Variants in CDH23 observed in about 807,000 individuals in gnomAD.
The protein encoded by CDH23 is cadherin related 23.
In CDH23, 189 loss-of-function variants were observed where a neutral mutation model predicts 317.1. That is an observed-to-expected ratio of 0.60 (90% CI 0.53 to 0.67). CDH23 has a LOEUF of 0.67. Ranked by LOEUF, CDH23 falls within the 30% of genes least tolerant of loss-of-function variation. The pLI is 0.00. For synonymous variants in CDH23, 1,839 were observed against 1,876.8 expected (o/e 0.98, Z 0.52); for missense variants, 4,401 against 4,592.4 (o/e 0.96, Z 1.20).
At chr10:71,776,847 C>T (rs1458942977) in intron 38 of CDH23, among the ~76,000 whole-genome samples, 1 of 152,246 alleles carries the variant, frequency 6.6e-6, no homozygotes, top group Non-Finnish European at 1.5e-5. Context: ...ATTGGCCACA[C>T]CCAGCAGGAA....
chr10:71,665,252 C>G (rs1863836140), intron 14 of CDH23, among the ~76,000 whole-genome samples: 1 of 152,160 alleles, frequency 6.6e-6, no homozygotes, highest in African/African-American at 2.4e-5. Flanking sequence ...CAAGAACCGT[C>G]AGCTCCAGAT....
chr10:71,640,921 T>C (rs1306947747), intron 11 of CDH23, among the ~76,000 whole-genome samples: 3 of 152,214 alleles, frequency 2.0e-5, no homozygotes, highest in Non-Finnish European at 4.4e-5. Flanking sequence ...GTTTTACCCT[T>C]GTAGTTCTCA....
At chr10:71,465,188 TGGTTACTGTATTAGG>T (rs1851184826) in intron 3 of CDH23, among the ~76,000 whole-genome samples, 1 of 152,308 alleles carries the variant, frequency 6.6e-6, no homozygotes, top group African/African-American at 2.4e-5. Context: ...ATGTGTTGAG[TGGTTACTGTATTAGG>T]CATTGTGATA....
rs541166243 is a variant in CDH23 at position 71,728,675 on chromosome 10, C to T, written c.3580-1794C>T. Among the ~76,000 whole-genome samples the T allele has an allele frequency of 7.2e-5, 11 of 152,364 alleles. No homozygotes were observed. In the South Asian group the frequency reaches 2.1e-3, roughly 29 times the overall value. Reference sequence around the variant, plus strand: ...CAGCCCCTTCCCCATTTGCTTCCCTCTCTACTTTGCTGGCAAGTTCCTACC... The same window carrying T: ...CAGCCCCTTCCCCATTTGCTTCCCTTTCTACTTTGCTGGCAAGTTCCTACC... On this transcript the variant is annotated intron_variant, in intron 30 of 69. Transcript: ENST00000224721.
chr10:71,448,689 G>A (rs567858418), intron 3 of CDH23, among the ~76,000 whole-genome samples: 35 of 152,314 alleles, frequency 2.3e-4, no homozygotes, highest in African/African-American at 7.2e-4. Flanking sequence ...ACAATGAGTG[G>A]GCATTGGAAA....
At chr10:71,800,577 G>A in intron 52 of CDH23, 59 bp from the exon 53 acceptor site, 1 of 1,563,480 alleles carries the variant, frequency 6.4e-7, no homozygotes, top group Non-Finnish European at 8.7e-7. Context: ...GCCATAGTAG[G>A]TGCTCAATAA....
intron 6 of CDH23, among the ~76,000 whole-genome samples, chr10:71,537,030 C>T (rs772708099): frequency 2.6e-5 from 4 of 152,084 alleles, no homozygotes; most frequent in Non-Finnish European, 2.9e-5. Context: ...CCTTCGCCAC[C>T]GTGCACTGGA....
At chr10:71,519,518 C>T (rs890960082) in intron 6 of CDH23, among the ~76,000 whole-genome samples, 3 of 152,220 alleles carry the variant, frequency 2.0e-5, no homozygotes, top group African/African-American at 7.2e-5. Context: ...CCAAGGGCAG[C>T]TTTGTATCGT....
intron 18 of CDH23, among the ~76,000 whole-genome samples, chr10:71,683,509 C>A (rs1252593646): frequency 2.0e-5 from 3 of 152,198 alleles, no homozygotes; most frequent in Non-Finnish European, 4.4e-5. Flanking sequence ...CCAGGGCCAG[C>A]TTCCAAGCGG....
chr10:71,692,123 G>A (rs1564736142), intron 20 of CDH23, among the ~76,000 whole-genome samples: 1 of 152,174 alleles, frequency 6.6e-6, no homozygotes, highest in African/African-American at 2.4e-5. Flanking sequence ...CACCTGTGAG[G>A]CAGGTACTAG....
chr10:71,738,396 C>T, intron 34 of CDH23, 102 bp from the exon 35 acceptor site: 1 of 1,383,732 alleles, frequency 7.2e-7, no homozygotes, highest in Non-Finnish European at 1.0e-6. Flanking sequence ...TGTTCCAGAA[C>T]CCACTGGGGA....
Position 71,687,725 on chromosome 10 carries a change from G to A in CDH23, c.2059+6G>A, listed in dbSNP as rs727502923. ...GGTGGAGAACATCATGGCAGGTACA[G>A]GCTCAGGTCGGGGGGTGGGGGGCAC... On this transcript the variant is annotated splice_donor_region_variant and intron_variant, in intron 19 of 69. Coordinates refer to ENST00000224721, the MANE Select transcript of CDH23 (RefSeq NM_022124.6). 28 of 1,613,234 alleles carry A rather than the reference G, an allele frequency of 1.7e-5. No homozygotes were observed. In the Admixed American group the frequency reaches 1.8e-4, roughly 11 times the overall value.
intron 20 of CDH23, among the ~76,000 whole-genome samples, chr10:71,693,913 A>G (rs759750161): frequency 2.6e-4 from 39 of 151,814 alleles, no homozygotes; most frequent in Non-Finnish European, 4.4e-4. Context: ...TTTCCTCCTC[A>G]TGGGGTTATG....
rs2166631 is a variant in CDH23 at position 71,713,125 on chromosome 10, C to T, written c.3369+312C>T. On this transcript the variant is annotated intron_variant, in intron 28 of 69. Transcript: ENST00000224721. ...TTTCAGAGTAGCGGGGAGAAAGAGA[C>T]GTCACAATTTCCCGGAAAGGAGTTG... The T allele has an allele frequency of 0.3, 233,246 of 775,898 alleles. 40,966 individuals carry two copies. Among genetic ancestry groups the T allele is most frequent in the African/African-American group, 0.58 (34,161 of 59,088 alleles). 48.1% of individuals were successfully genotyped at this position (775,898 alleles called of 1,614,324 possible).
chr10:71,776,147 C>T (rs1467092194), intron 38 of CDH23, among the ~76,000 whole-genome samples: 1 of 152,214 alleles, frequency 6.6e-6, no homozygotes. Context: ...CAAGGCCACG[C>T]AGCTCCTTTT....
chr10:71,530,899 A>G (rs1855338083), intron 6 of CDH23, among the ~76,000 whole-genome samples: 1 of 152,250 alleles, frequency 6.6e-6, no homozygotes, highest in Admixed American at 6.5e-5. Flanking sequence ...GCAGAGACCC[A>G]GAATGTGACT....
At position 71,462,766 on chromosome 10, in the gene CDH23, T is replaced by G. The variant is rs369999092; in HGVS notation, c.145+16371T>G. 5.8e-4 allele frequency among the ~76,000 whole-genome samples: 88 copies of G among 152,258 alleles called. No homozygotes were observed. In the East Asian group the frequency reaches 9.1e-3, roughly 16 times the overall value. ...TCAGGATGGCAACTCCTGTTGTACC[T>G]GGGAAGCCGCACCTGCCCCTGCCTG... On this transcript the variant is annotated intron_variant, in intron 3 of 69. Transcript: ENST00000224721.
In CDH23 at chr10:71,793,229, A is replaced by G. The variant is rs750278941; in HGVS notation, c.6301A>G (p.Asn2101Asp). ...VTATDEDSGL[N>D]GELVYRIEAG... ...AGCCACAGATGAGGACAGTGGCCTC[A>G]ATGGGGAGCTGGTCTACCGAATAGA... The change falls in exon 48 of 70, where the codon AAT becomes GAT. Residue 2101 changes from asparagine (N) to aspartate (D), a missense_variant. Physicochemically the swap from Asn to Asp is conservative, Grantham distance 23 (BLOSUM62 1). This residue lies in a region of CDH23 where 3,068 missense variants were observed against 3,203.3 expected (regional missense o/e 0.96). Transcript: ENST00000224721. 6.2e-7 allele frequency: 1 copy of G among 1,613,792 alleles called. No individual in the cohort carries two copies. Among genetic ancestry groups the G allele is most frequent in the South Asian group, 1.1e-5 (1 of 91,028 alleles).
At chr10:71,752,284 T>G (rs1564775290) in intron 38 of CDH23, among the ~76,000 whole-genome samples, 1 of 152,198 alleles carries the variant, frequency 6.6e-6, no homozygotes, top group Non-Finnish European at 1.5e-5. Context: ...CTCTTCCCAG[T>G]TGGGAGTGGG....
Sources: gnomAD v4.1 joint callset for allele counts (sites outside exome capture counted in the v4.1 genomes callset) on GRCh38, gnomAD v4.1.1 for gene constraint, gnomAD v4.1.1 regional missense constraint, MANE v1.5 for transcripts, NCBI Gene and HGNC (gene_info 2026-07-23, HGNC 2026-07-21) for gene names.